The following OLFM3 variants were observed in gnomAD, a reference collection of about 807,000 sequenced individuals.
OLFM3 encodes the protein olfactomedin 3, also known as noelin-3.
Under a neutral mutation model 48.6 loss-of-function variants are expected in OLFM3, and 20 were observed. The observed-to-expected ratio is 0.41, with a 90% CI of 0.29 to 0.60. The LOEUF (loss-of-function observed/expected upper bound fraction) is 0.60, where lower values mean the gene tolerates loss of function less well. Among genes scored for constraint, OLFM3 ranks in the 20% least tolerant of loss-of-function variants. The probability of loss-of-function intolerance (pLI) is 0.28; values close to 1 mark genes in which losing one functional copy is unlikely to be tolerated. For synonymous variants in OLFM3, 222 were observed against 198.1 expected, an observed-to-expected ratio of 1.12 and a Z score of -1.01; for missense variants, 437 against 544.3, an observed-to-expected ratio of 0.80 and a Z score of 1.96.
At chr1:101,872,661 A>G (rs1424220621) in intron 1 of OLFM3, among the ~76,000 whole-genome samples, 1 of 152,064 alleles carries the variant, frequency 6.6e-6, no homozygotes, top group Admixed American at 6.6e-5. Context: ...TTAAATGATG[A>G]TGAATGATAA....
intron 1 of OLFM3, among the ~76,000 whole-genome samples, chr1:101,904,019 C>T (rs965076911): frequency 5.9e-5 from 9 of 151,930 alleles, no homozygotes; most frequent in African/African-American, 2.2e-4. Flanking sequence ...CAAAGTATCC[C>T]TTTATTTCAA....
At chr1:101,853,817 T>C (rs1199938603) in intron 1 of OLFM3, among the ~76,000 whole-genome samples, 1 of 152,086 alleles carries the variant, frequency 6.6e-6, no homozygotes, top group African/African-American at 2.4e-5. Flanking sequence ...TAGTGAAAAG[T>C]ATTGAAACAT....
At chr1:101,896,771 CTT>C (rs1398119520) in intron 1 of OLFM3, among the ~76,000 whole-genome samples, 1 of 148,940 alleles carries the variant, frequency 6.7e-6, no homozygotes, top group African/African-American at 2.5e-5. Context: ...CTTATACACT[CTT>C]AACCCATACA....
At chr1:101,926,229 T>A (rs979035679) in intron 1 of OLFM3, among the ~76,000 whole-genome samples, 2 of 152,194 alleles carry the variant, frequency 1.3e-5, no homozygotes, top group Admixed American at 1.3e-4. Context: ...AACTATTTTG[T>A]CATATAGCTT....
intron 4 of OLFM3, among the ~76,000 whole-genome samples, chr1:101,810,030 AG>A (rs1327020683): frequency 6.6e-6 from 1 of 152,004 alleles, no homozygotes; most frequent in Non-Finnish European, 1.5e-5. Flanking sequence ...ATGGAAGAAT[AG>A]GTAAAGTCCA....
chr1:101,849,751 A>T (rs12062147), intron 1 of OLFM3, among the ~76,000 whole-genome samples: 1 of 152,160 alleles, frequency 6.6e-6, no homozygotes, highest in Non-Finnish European at 1.5e-5. Flanking sequence ...AACAATTGGC[A>T]GTCCTTAGTG....
At chr1:101,843,051 C>T (rs1476638409) in intron 1 of OLFM3, among the ~76,000 whole-genome samples, 1 of 152,154 alleles carries the variant, frequency 6.6e-6, no homozygotes, top group African/African-American at 2.4e-5. Context: ...TCAGTTAAAT[C>T]AGATATCTTC....
chr1:101,867,338 T>A (rs893405984), intron 1 of OLFM3, among the ~76,000 whole-genome samples: 1 of 152,234 alleles, frequency 6.6e-6, no homozygotes, highest in Non-Finnish European at 1.5e-5. Flanking sequence ...ATAAATATTA[T>A]AGACTGCGTT....
At chr1:101,925,304 A>G (rs1659237076) in intron 1 of OLFM3, among the ~76,000 whole-genome samples, 1 of 151,690 alleles carries the variant, frequency 6.6e-6, no homozygotes, top group African/African-American at 2.4e-5. Flanking sequence ...ATGGAAAGAC[A>G]TTGATCTATA....
rs376496755 is a variant in OLFM3, at chr1:101,836,863, G to A, written c.216+16C>T. 382 of 1,612,954 alleles carry A rather than the reference G, an allele frequency of 2.4e-4. No homozygotes were observed. The highest frequency in any genetic ancestry group is 3.2e-4 in the Non-Finnish European group (372 of 1,179,136). ...GATTTTACTAAAAATATGCATAGGG[G>A]ACACAGGACACCTACCTTTTCCAGT... On this transcript the variant is annotated intron_variant, in intron 2 of 5. Coordinates refer to ENST00000370103, the MANE Select transcript of OLFM3 (RefSeq NM_058170.4).
At chr1:101,942,725 T>C (rs1390929183) in intron 1 of OLFM3, among the ~76,000 whole-genome samples, 3 of 152,190 alleles carry the variant, frequency 2.0e-5, no homozygotes, top group African/African-American at 2.4e-5. Flanking sequence ...TTCACTTATT[T>C]TTCTCCCACA....
chr1:101,892,082 A>G (rs1658021999), intron 1 of OLFM3, among the ~76,000 whole-genome samples: 1 of 151,990 alleles, frequency 6.6e-6, no homozygotes, highest in Admixed American at 6.6e-5. Flanking sequence ...CAAGCTTCAT[A>G]TTTTCTGTGG....
intron 1 of OLFM3, among the ~76,000 whole-genome samples, chr1:101,889,236 A>G (rs919118733): frequency 6.6e-6 from 1 of 152,146 alleles, no homozygotes; most frequent in Non-Finnish European, 1.5e-5. Context: ...ACAATAGCAA[A>G]GACTTGGAAC....
chr1:101,859,951 T>G (rs934180104), intron 1 of OLFM3: 1 of 152,062 alleles, frequency 6.6e-6, no homozygotes, highest in African/African-American at 2.4e-5. Flanking sequence ...AGATTTTATA[T>G]TTTTAACAAG....
intron 3 of OLFM3, among the ~76,000 whole-genome samples, chr1:101,825,909 C>G (rs984345583): frequency 2.0e-5 from 3 of 152,082 alleles, no homozygotes; most frequent in African/African-American, 7.2e-5. Flanking sequence ...TGAAGTGTCC[C>G]AAGGCTCAAA....
intron 1 of OLFM3, among the ~76,000 whole-genome samples, chr1:101,964,293 T>C (rs1211516075): frequency 3.9e-5 from 6 of 152,082 alleles, no homozygotes; most frequent in Admixed American, 2.0e-4. Flanking sequence ...GAGTGTATGG[T>C]AGAATGAAAA....
At chr1:101,969,468 A>C (rs1472894661) in intron 1 of OLFM3, among the ~76,000 whole-genome samples, 1 of 152,044 alleles carries the variant, frequency 6.6e-6, no homozygotes, top group Non-Finnish European at 1.5e-5. Context: ...ATGCCTGGAC[A>C]CTTGTCTTTT....
chr1:101,902,206 T>G (rs1319846827), intron 1 of OLFM3, among the ~76,000 whole-genome samples: 1 of 151,968 alleles, frequency 6.6e-6, no homozygotes, highest in East Asian at 1.9e-4. Flanking sequence ...GAGGGCATGG[T>G]TGGTGAAGGA....
At chr1:101,854,966 T>C (rs1250404054) in intron 1 of OLFM3, among the ~76,000 whole-genome samples, 1 of 152,082 alleles carries the variant, frequency 6.6e-6, no homozygotes, top group Non-Finnish European at 1.5e-5. Flanking sequence ...TTGCCATCAC[T>C]ATGCAAAAGA....
Sources: allele counts gnomAD v4.1 joint callset (sites outside exome capture counted in the v4.1 genomes callset), GRCh38; gene constraint gnomAD v4.1.1; transcripts MANE v1.5; gene names NCBI Gene and HGNC (gene_info 2026-07-23, HGNC 2026-07-21).